Variants in PHF2 observed in about 807,000 individuals in gnomAD.
PHF2 encodes the protein lysine-specific demethylase PHF2.
Under a neutral mutation model 120.5 loss-of-function variants are expected in PHF2, and 27 were observed. The ratio of observed to expected loss-of-function variants is 0.22; its 90% CI spans 0.17 to 0.31. The LOEUF (loss-of-function observed/expected upper bound fraction) is 0.31. Ranked by LOEUF, PHF2 falls within the 10% of genes least tolerant of loss-of-function variation. PHF2 has a pLI of 1.00. For synonymous variants in PHF2, 568 were observed against 592.5 expected (o/e 0.96, Z 0.60); for missense variants, 1,024 against 1,434.8 (o/e 0.71, Z 4.63).
chr9:93,650,412 C>T (rs563038648), intron 5 of PHF2, among the ~76,000 whole-genome samples: 23 of 152,328 alleles, frequency 1.5e-4, no homozygotes, highest in Non-Finnish European at 3.1e-4. Context: ...TTACTAACAC[C>T]TGCACACACC....
intron 1 of PHF2, among the ~76,000 whole-genome samples, chr9:93,611,139 G>A (rs1383050684): frequency 6.6e-6 from 1 of 152,142 alleles, no homozygotes; most frequent in African/African-American, 2.4e-5. Context: ...TCTTGGCTGG[G>A]TGCGGTGGCT....
At chr9:93,618,873 C>CG (rs1564383363) in intron 1 of PHF2, among the ~76,000 whole-genome samples, 2 of 1,310 alleles carry the variant, frequency 1.5e-3, no homozygotes, top group Non-Finnish European at 3.8e-3. Context: ...TCGTGTGTCT[C>CG]TGTGTTTGCA....
chr9:93,653,362 C>T lies in PHF2; in HGVS notation c.786C>T (p.Leu262=), dbSNP rs759675727. 4 of 1,613,248 alleles carry T rather than the reference C, an allele frequency of 2.5e-6. No homozygotes were observed. Among genetic ancestry groups the T allele is most frequent in the Non-Finnish European group, 3.4e-6 (4 of 1,179,898 alleles). Reference sequence around the variant, plus strand: ...GCGCCTCTGCCTGGTACCACGTGCTCAAGGTGAGCCACGCCCCTCGGGGCA... The same window carrying T: ...GCGCCTCTGCCTGGTACCACGTGCTTAAGGTGAGCCACGCCCCTCGGGGCA... ...SGGASAWYHV[L]KGEKTFYLIR... is the part of the protein sequence containing the mutation. The change falls in exon 6 of 22, where the codon CTC becomes CTT. Residue 262 remains leucine, a synonymous_variant. Transcript: ENST00000359246.
At chr9:93,662,533 C>CGGATGGATGGAT (rs138382841) in intron 12 of PHF2, among the ~76,000 whole-genome samples, 9 of 111,904 alleles carry the variant, frequency 8.0e-5, no homozygotes, top group African/African-American at 2.9e-4. Flanking sequence ...GATGGGTGGG[C>CGGATGGATGGAT]GGATGGATGG....
At chr9:93,644,082 C>T (rs565740037) in intron 3 of PHF2, among the ~76,000 whole-genome samples, 1 of 152,144 alleles carries the variant, frequency 6.6e-6, no homozygotes, top group African/African-American at 2.4e-5. Flanking sequence ...ACACCACTGC[C>T]CTGCTTAGAA....
In PHF2 at chr9:93,666,120, C is replaced by G. The variant is rs1003755028; in HGVS notation, c.2187+60C>G. ...GGGCATCTCTGGGCAGTCCCCAAGGCCATGGTTTGAGTGACTCCAGGGCGG... is the reference window on the plus strand; with the variant it reads ...GGGCATCTCTGGGCAGTCCCCAAGGGCATGGTTTGAGTGACTCCAGGGCGG... On this transcript the variant is annotated intron_variant, in intron 16 of 21. Transcript: ENST00000359246. 4.4e-5 allele frequency: 69 copies of G among 1,565,796 alleles called. 1 individual carries two copies. The Admixed American group carries it at 1.1e-3, about 26-fold the overall frequency.
rs79775104 is a variant in PHF2 at position 93,653,375 on chromosome 9, G to C, written c.789+10G>C. ...GTACCACGTGCTCAAGGTGAGCCACGCCCCTCGGGGCACCTCTGCCTTGCC... is the reference window on the plus strand; with the variant it reads ...GTACCACGTGCTCAAGGTGAGCCACCCCCCTCGGGGCACCTCTGCCTTGCC... On this transcript the variant is annotated intron_variant, in intron 6 of 21. Transcript: ENST00000359246. 1 of 1,611,804 alleles carries C rather than the reference G, an allele frequency of 6.2e-7. No homozygotes were observed. The highest frequency in any genetic ancestry group is 2.2e-5 in the East Asian group (1 of 44,844).
intron 1 of PHF2, among the ~76,000 whole-genome samples, chr9:93,607,905 AAGGGAAAGAGATGAGAGAGAGAG>A (rs1373854161): frequency 6.9e-6 from 1 of 145,922 alleles, no homozygotes; most frequent in African/African-American, 2.5e-5. Context: ...GAGAGAGAGA[AAGGGAAAGAGATGAGAGAGAGAG>A]AGGGAAAGAG....
In PHF2 at chr9:93,655,055, G is replaced by A. The variant is rs569889888; in HGVS notation, c.952+480G>A. Among the ~76,000 whole-genome samples the A allele has an allele frequency of 5.9e-5, 9 of 152,298 alleles. No individual in the cohort carries two copies. The South Asian group carries it at 1.0e-3, about 18-fold the overall frequency. On this transcript the variant is annotated intron_variant, in intron 7 of 21. Transcript: ENST00000359246. ...GAGTCTGTGCTGAAGGAGAAGGCCC[G>A]TCATGAGCCACTGTGTGCCCCTAGA...
intron 1 of PHF2, among the ~76,000 whole-genome samples, chr9:93,585,392 G>T (rs1863020363): frequency 6.6e-6 from 1 of 152,230 alleles, no homozygotes; most frequent in Non-Finnish European, 1.5e-5. Flanking sequence ...CTTTTGTGGA[G>T]CAAGGCCAGG....
intron 5 of PHF2, among the ~76,000 whole-genome samples, chr9:93,650,043 C>G (rs1416583337): frequency 6.6e-6 from 1 of 151,736 alleles, no homozygotes; most frequent in Non-Finnish European, 1.5e-5. Flanking sequence ...ACGACACATT[C>G]ACAACACACC....
chr9:93,593,095 A>G (rs1266743433), intron 1 of PHF2, among the ~76,000 whole-genome samples: 5 of 112,792 alleles, frequency 4.4e-5, no homozygotes, highest in African/African-American at 1.7e-4. Flanking sequence ...AAAAAAAAAA[A>G]AAAAAAAAAA....
chr9:93,602,599 G>A (rs1564377285), intron 1 of PHF2, among the ~76,000 whole-genome samples: 8 of 151,960 alleles, frequency 5.3e-5, no homozygotes, highest in Non-Finnish European at 1.2e-4. Flanking sequence ...TTTCTAGCGT[G>A]TGTGAATGTG....
At chr9:93,651,471 C>G (rs115287181) in intron 5 of PHF2, among the ~76,000 whole-genome samples, 2,267 of 152,190 alleles carry the variant, frequency 0.015, 46 homozygotes, top group African/African-American at 0.049. Flanking sequence ...GGGCTTGGGT[C>G]GGGTCCATGG....
intron 2 of PHF2, among the ~76,000 whole-genome samples, chr9:93,631,557 G>A (rs1174661485): frequency 6.6e-6 from 1 of 152,196 alleles, no homozygotes; most frequent in Non-Finnish European, 1.5e-5. Context: ...ACAGATAAAG[G>A]GTAGGAAGGT....
At chr9:93,672,795 C>T (rs897423208) in intron 17 of PHF2, 1 of 980,942 alleles carries the variant, frequency 1.0e-6, no homozygotes, top group African/African-American at 1.8e-5. Flanking sequence ...GGAGTAGGTA[C>T]AGGTGTAGAT....
In PHF2 at chr9:93,663,780, A is replaced by G. The variant is rs546525004; in HGVS notation, c.1937+145A>G. 14 of 474,740 alleles carry G rather than the reference A, an allele frequency of 2.9e-5. No individual in the cohort carries two copies. In the East Asian group the frequency reaches 4.2e-4, roughly 14 times the overall value. The allele number at this position is 474,740 out of a possible 1,614,324, so 29.4% of individuals were successfully genotyped here. A position where few individuals can be genotyped will look rare whatever the true frequency, so the allele number is the denominator to read the frequency against. ...GCACTCTGCATCTCACACACACCAC[A>G]CACTGCATCACACACAACCATACAC... On this transcript the variant is annotated intron_variant, in intron 14 of 21. Transcript: ENST00000359246.
At chr9:93,639,237 T>C (rs998010591) in intron 3 of PHF2, among the ~76,000 whole-genome samples, 1 of 152,222 alleles carries the variant, frequency 6.6e-6, no homozygotes, top group African/African-American at 2.4e-5. Context: ...TTTGATCTTT[T>C]AAGTTTCTTT....
intron 1 of PHF2, among the ~76,000 whole-genome samples, chr9:93,620,893 G>A (rs1415981639): frequency 2.6e-5 from 4 of 152,226 alleles, no homozygotes; most frequent in African/African-American, 9.6e-5. Context: ...CCCAGTGTCG[G>A]CAAACAGTCT....
Sources: allele counts gnomAD v4.1 joint callset (sites outside exome capture counted in the v4.1 genomes callset), GRCh38; gene constraint gnomAD v4.1.1; transcripts MANE v1.5; gene names NCBI Gene and HGNC (gene_info 2026-07-23, HGNC 2026-07-21).